The following ADAMTSL3 variants were observed in gnomAD, a reference collection of about 807,000 sequenced individuals.
The protein encoded by ADAMTSL3 is ADAMTS-like protein 3.
Under a neutral mutation model 201.7 loss-of-function variants are expected in ADAMTSL3, and 128 were observed. The ratio of observed to expected loss-of-function variants is 0.63; its 90% CI spans 0.55 to 0.73. ADAMTSL3 has a LOEUF of 0.73. ADAMTSL3 is among the 30% of genes least tolerant of loss of function. The pLI, the probability that ADAMTSL3 is intolerant of heterozygous loss-of-function variation, is 0.00. For missense variants in ADAMTSL3, 1,990 were observed against 2,119.6 expected (o/e 0.94, Z 1.20); for synonymous variants, 738 against 748.4 (o/e 0.99, Z 0.23).
At chr15:83,822,184 A>C (rs1596269471) in intron 6 of ADAMTSL3, among the ~76,000 whole-genome samples, 1 of 134,322 alleles carries the variant, frequency 7.4e-6, no homozygotes, top group African/African-American at 2.9e-5. Flanking sequence ...GCTGACCCCC[A>C]CCTCCCTCCC....
intron 6 of ADAMTSL3, among the ~76,000 whole-genome samples, chr15:83,832,334 G>C (rs748994915): frequency 1.9e-4 from 29 of 152,036 alleles, no homozygotes; most frequent in Admixed American, 3.3e-4. Flanking sequence ...GGTTTAAAGG[G>C]GCTTGCAGGA....
At chr15:83,978,404 G>A (rs1196893505) in intron 20 of ADAMTSL3, among the ~76,000 whole-genome samples, 1 of 152,176 alleles carries the variant, frequency 6.6e-6, no homozygotes, top group Non-Finnish European at 1.5e-5. Flanking sequence ...GTGGAGGGAT[G>A]GGTTAATGCT....
chr15:83,679,444 C>T (rs2141418581), intron 2 of ADAMTSL3, among the ~76,000 whole-genome samples: 1 of 151,718 alleles, frequency 6.6e-6, no homozygotes, highest in Non-Finnish European at 1.5e-5. Context: ...GACTCTGGAT[C>T]TTATTTGATT....
intron 2 of ADAMTSL3, among the ~76,000 whole-genome samples, chr15:83,675,313 T>C (rs918747230): frequency 2.0e-5 from 3 of 152,068 alleles, no homozygotes; most frequent in Non-Finnish European, 4.4e-5. Context: ...TGGAAGAATT[T>C]TTTTTAAATC....
At chr15:83,866,500 A>G (rs552002140) in intron 8 of ADAMTSL3, among the ~76,000 whole-genome samples, 4 of 152,282 alleles carry the variant, frequency 2.6e-5, no homozygotes, top group Admixed American at 6.5e-5. Flanking sequence ...TCAGCAAACT[A>G]TCACAAGGAC....
At position 83,819,945 on chromosome 15, in the gene ADAMTSL3, T is replaced by C; in HGVS notation, c.498T>C (p.His166=). The C allele has an allele frequency of 6.2e-7, 1 of 1,614,130 alleles. No individual in the cohort carries two copies. The highest frequency in any genetic ancestry group is 8.5e-7 in the Non-Finnish European group (1 of 1,180,024). Residue 166 remains histidine, a synonymous_variant, in exon 6 of 30, where the codon CAT becomes CAC. Coordinates refer to ENST00000286744, the MANE Select transcript of ADAMTSL3 (RefSeq NM_207517.3). ...CTGCCCCGTGTGCACTCAAGTGTCATGCACAAGGACAAAACTTGGTGGTGG... is the reference window on the plus strand; with the variant it reads ...CTGCCCCGTGTGCACTCAAGTGTCACGCACAAGGACAAAACTTGGTGGTGG... ...DPAAPCALKC[H]AQGQNLVVEL... is the part of the protein sequence containing the mutation.
chr15:83,765,916 A>G (rs1282871657), intron 3 of ADAMTSL3, among the ~76,000 whole-genome samples: 1 of 152,224 alleles, frequency 6.6e-6, no homozygotes, highest in African/African-American at 2.4e-5. Context: ...CAAACTATAC[A>G]TGTTTGTCAT....
intron 4 of ADAMTSL3, among the ~76,000 whole-genome samples, chr15:83,804,019 T>C (rs11856085): frequency 0.42 from 64,190 of 151,832 alleles, 14,517 homozygotes; most frequent in South Asian, 0.66. Flanking sequence ...GGTGTGCGCC[T>C]GCAATCCTAG....
chr15:83,913,129 T>G lies in ADAMTSL3; in HGVS notation c.1738T>G (p.Cys580Gly). ...ACCCTGGTCAGCCTGCAGTACCACG[T>G]GTGGGCCGGGTGTGCAGGTCCGTGA... ...PEPWSACSTT[C>G]GPGVQVREVK... Residue 580 changes from cysteine (C) to glycine (G), a missense_variant, in exon 16 of 30, where the codon TGT (cysteine) becomes GGT (glycine). Cys to Gly is a radical substitution (Grantham distance 159). Transcript: ENST00000286744. The G allele has an allele frequency of 6.2e-7, 1 of 1,614,126 alleles. No individual in the cohort carries two copies. Among genetic ancestry groups the G allele is most frequent in the Non-Finnish European group, 8.5e-7 (1 of 1,180,026 alleles).
Position 83,692,685 on chromosome 15 carries a change from C to CAAA in ADAMTSL3, c.70-11684_70-11682dup, listed in dbSNP as rs766382952. Among the ~76,000 whole-genome samples the CAAA allele has an allele frequency of 3.8e-3, 162 of 42,832 alleles. 2 individuals carry two copies. Among genetic ancestry groups the CAAA allele is most frequent in the African/African-American group, 7.6e-3 (90 of 11,802 alleles). The allele number at this position is 42,832 out of a possible 152,430, so 28.1% of individuals were successfully genotyped here. A position where few individuals can be genotyped will look rare whatever the true frequency, so the allele number is the denominator to read the frequency against. ...TGGGCGACAGAGCGAGACTCCATCT[C>CAAA]AAAAAAAAAAAAAAAAAAAAAAGAA... On this transcript the variant is annotated intron_variant, in intron 2 of 29. Coordinates refer to ENST00000286744, the MANE Select transcript of ADAMTSL3 (RefSeq NM_207517.3).
At chr15:83,751,564 G>C (rs934468993) in intron 3 of ADAMTSL3, among the ~76,000 whole-genome samples, 1 of 152,102 alleles carries the variant, frequency 6.6e-6, no homozygotes, top group Non-Finnish European at 1.5e-5. Flanking sequence ...ATTTTTTCCA[G>C]TGTGTTTGTG....
chr15:83,912,846 G>A (rs776488713), intron 15 of ADAMTSL3, among the ~76,000 whole-genome samples: 2 of 152,078 alleles, frequency 1.3e-5, no homozygotes, highest in Non-Finnish European at 2.9e-5. Context: ...GCACAGATTC[G>A]AATTATGAAA....
intron 17 of ADAMTSL3, among the ~76,000 whole-genome samples, chr15:83,931,757 T>C (rs955943842): frequency 6.6e-6 from 1 of 152,040 alleles, no homozygotes; most frequent in African/African-American, 2.4e-5. Flanking sequence ...AAACATGAGG[T>C]GGTGAATGGA....
intron 19 of ADAMTSL3, among the ~76,000 whole-genome samples, chr15:83,967,736 G>A (rs1024039059): frequency 2.0e-5 from 3 of 152,086 alleles, no homozygotes; most frequent in Non-Finnish European, 4.4e-5. Flanking sequence ...AAAATCCTAA[G>A]CAAAAAGAAC....
chr15:83,893,623 A>G (rs2065553639), intron 13 of ADAMTSL3, among the ~76,000 whole-genome samples: 1 of 152,200 alleles, frequency 6.6e-6, no homozygotes, highest in South Asian at 2.1e-4. Context: ...ATTGGGAAAG[A>G]CCAGAGGCGG....
chr15:83,738,711 TG>T (rs1331721659), intron 3 of ADAMTSL3, among the ~76,000 whole-genome samples: 10 of 151,730 alleles, frequency 6.6e-5, no homozygotes, highest in African/African-American at 1.5e-4. Context: ...CTGGCCAACA[TG>T]GTGAAACCCT....
rs1370627628 is a variant in ADAMTSL3 at position 83,783,791 on chromosome 15, T to TA, written c.317+10150dup. On this transcript the variant is annotated intron_variant, in intron 4 of 29. Coordinates refer to ENST00000286744, the MANE Select transcript of ADAMTSL3 (RefSeq NM_207517.3). The stretch of plus-strand genomic sequence containing the variant: ...TGGTGCAAGCTGCCATTTAAGAAGT[T>TA]AAAAAAAAAGGAAGAGCAAATTTTA... Among the ~76,000 whole-genome samples, 9 of 149,528 alleles carry TA rather than the reference T, an allele frequency of 6.0e-5. 1 individual carries two copies. In the East Asian group the frequency reaches 1.2e-3, roughly 19 times the overall value.
At chr15:83,824,768 AATAAT>A (rs2063983853) in intron 6 of ADAMTSL3, 1 of 152,088 alleles carries the variant, frequency 6.6e-6, no homozygotes, top group Non-Finnish European at 1.5e-5. Context: ...TCTTTCATGT[AATAAT>A]ATATTATACA....
chr15:83,884,956 T>C lies in ADAMTSL3; in HGVS notation c.961-145T>C, dbSNP rs1419769516. The C allele has an allele frequency of 6.8e-6, 4 of 589,698 alleles. No individual in the cohort carries two copies. In the Admixed American group the frequency reaches 1.0e-4, roughly 15 times the overall value. The allele number at this position is 589,698 out of a possible 1,614,324, so 36.5% of individuals were successfully genotyped here. A position where few individuals can be genotyped will look rare whatever the true frequency, so the allele number is the denominator to read the frequency against. On this transcript the variant is annotated intron_variant, in intron 9 of 29. Coordinates refer to ENST00000286744, the MANE Select transcript of ADAMTSL3 (RefSeq NM_207517.3). ...ATCTTAATGAAATGTCATCACATCT[T>C]AAACTTATTGGACTCTTGCCCCATA...
Sources: allele counts gnomAD v4.1 joint callset (sites outside exome capture counted in the v4.1 genomes callset), GRCh38; gene constraint gnomAD v4.1.1; transcripts MANE v1.5; gene names NCBI Gene and HGNC (gene_info 2026-07-23, HGNC 2026-07-21).